Variants in ATP2A3 observed in about 807,000 individuals in gnomAD.
ATP2A3 encodes ATPase sarcoplasmic/endoplasmic reticulum Ca2+ transporting 3.
In ATP2A3, 61 loss-of-function variants were observed where a neutral mutation model predicts 106.8. That is an observed-to-expected ratio of 0.57 (90% CI 0.46 to 0.71). The LOEUF (loss-of-function observed/expected upper bound fraction) is 0.71. Ranked by LOEUF, ATP2A3 falls within the 30% of genes least tolerant of loss-of-function variation. The probability of loss-of-function intolerance (pLI) is 0.00; values close to 1 mark genes in which losing one functional copy is unlikely to be tolerated. For synonymous variants in ATP2A3, 611 were observed against 609.3 expected (o/e 1.00, Z -0.04); for missense variants, 1,201 against 1,423.5 (o/e 0.84, Z 2.52).
Position 3,964,304 on chromosome 17 carries a change from G to T in ATP2A3, c.-13C>A, listed in dbSNP as rs1320190058. 8.2e-7 allele frequency: 1 copy of T among 1,225,608 alleles called. No individual in the cohort carries two copies. Among genetic ancestry groups the T allele is most frequent in the Non-Finnish European group, 1.0e-6 (1 of 969,002 alleles). The allele number at this position is 1,225,608 out of a possible 1,614,324, so 75.9% of individuals were successfully genotyped here. A position where few individuals can be genotyped will look rare whatever the true frequency, so the allele number is the denominator to read the frequency against. ...GCGCCGCCTCCATGCCGCCCGCCCG[G>T]CCGTCTGCGCCGTCCGCACCGTCGA... On this transcript the variant is annotated 5_prime_UTR_variant, in exon 1 of 21. Transcript: ENST00000397041.
chr17:3,924,276 C>A lies in ATP2A3; in HGVS notation c.*1146G>T, dbSNP rs2052593484. 6.5e-6 allele frequency: 1 copy of A among 154,888 alleles called. No individual in the cohort carries two copies. The highest frequency in any genetic ancestry group is 2.4e-5 in the African/African-American group (1 of 41,468). 9.6% of individuals were successfully genotyped at this position (154,888 alleles called of 1,614,324 possible). A position where few individuals can be genotyped will look rare whatever the true frequency, so the allele number is the denominator to read the frequency against. On this transcript the variant is annotated 3_prime_UTR_variant, in exon 21 of 21. Coordinates refer to ENST00000397041, the MANE Select transcript of ATP2A3 (RefSeq NM_005173.4). The surrounding 1 kb of genome is among the most constrained non-coding windows in gnomAD (Gnocchi z 6.4). ...CCCTCGCTAGTTTTTGCCAAAGTAG[C>A]AAAAGCTGAGTTAAGAGAAAAATTC...
chr17:3,930,324 A>C lies in ATP2A3; in HGVS notation c.2721T>G (p.Ile907Met). The C allele has an allele frequency of 1.2e-6, 2 of 1,605,666 alleles. No homozygotes were observed. The highest frequency in any genetic ancestry group is 8.5e-7 in the Non-Finnish European group (1 of 1,176,070). Residue 907 changes from isoleucine to methionine, a missense_variant, in exon 18 of 21, where the codon ATT becomes ATG. Physicochemically the swap from Ile to Met is conservative, Grantham distance 10. This residue lies in a region of ATP2A3 where 935 missense variants were observed against 1,176.7 expected (regional missense o/e 0.79). Coordinates refer to ENST00000397041, the MANE Select transcript of ATP2A3 (RefSeq NM_005173.4). This position sits in a 1 kb window ranked among gnomAD's most constrained non-coding sequence, Gnocchi z 5.4. ...TTMALSVLVT[I>M]EMCNALNSVS... is the part of the protein sequence containing the mutation. ...ACCTGTTGAGGGCATTGCACATTTC[A>C]ATGGTCACGAGCACGGACAAGGCCA...
chr17:3,958,548 G>A (rs538537901), intron 1 of ATP2A3, among the ~76,000 whole-genome samples: 2 of 151,924 alleles, frequency 1.3e-5, no homozygotes, highest in African/African-American at 2.4e-5. Context: ...TCTGTATCCC[G>A]AATGCACATC....
intron 8 of ATP2A3, among the ~76,000 whole-genome samples, chr17:3,946,858 G>T (rs929939817): frequency 8.5e-5 from 13 of 152,226 alleles, no homozygotes; most frequent in Non-Finnish European, 1.5e-5. Flanking sequence ...CCATGGGCCT[G>T]CTGAAGTCTC....
rs1200346271 is a variant in ATP2A3, at chr17:3,928,430, G to A, written c.2980+233C>T. ...ACAGTGAGGCAGTGTGGCCCAAGAG[G>A]TGCTCCCGTTGCTGGCCCAGTGAGC... On this transcript the variant is annotated intron_variant, in intron 20 of 20. Coordinates refer to ENST00000397041, the MANE Select transcript of ATP2A3 (RefSeq NM_005173.4). This position sits in a 1 kb window ranked among gnomAD's most constrained non-coding sequence, Gnocchi z 6.1. 10 of 1,214,356 alleles carry A rather than the reference G, an allele frequency of 8.2e-6. No homozygotes were observed. Among genetic ancestry groups the A allele is most frequent in the African/African-American group, 4.5e-5 (3 of 66,422 alleles). 75.2% of individuals were successfully genotyped at this position (1,214,356 alleles called of 1,614,324 possible).
chr17:3,928,363 G>A lies in ATP2A3; in HGVS notation c.2980+300C>T, dbSNP rs745667980. 8.8e-6 allele frequency: 14 copies of A among 1,586,504 alleles called. No individual in the cohort carries two copies. Among genetic ancestry groups the A allele is most frequent in the Non-Finnish European group, 1.1e-5 (13 of 1,158,334 alleles). ...AGGGGTCAGAGGCTGAGGCCCAGAAGAGCACACAGTGCCCTGGCCATGTAG... is the reference window on the plus strand; with the variant it reads ...AGGGGTCAGAGGCTGAGGCCCAGAAAAGCACACAGTGCCCTGGCCATGTAG... On this transcript the variant is annotated intron_variant, in intron 20 of 20. Transcript: ENST00000397041. The surrounding 1 kb of genome is among the most constrained non-coding windows in gnomAD (Gnocchi z 6.1).
At chr17:3,959,036 C>T (rs561214036) in intron 1 of ATP2A3, among the ~76,000 whole-genome samples, 8 of 151,608 alleles carry the variant, frequency 5.3e-5, no homozygotes, top group East Asian at 1.9e-4. Flanking sequence ...GGATTACAGG[C>T]GCCTGCCACC....
intron 1 of ATP2A3, among the ~76,000 whole-genome samples, chr17:3,958,219 G>A (rs1203611969): frequency 2.6e-5 from 4 of 152,222 alleles, no homozygotes; most frequent in Non-Finnish European, 5.9e-5. Flanking sequence ...GTACCTCACA[G>A]GGATGCCGGA....
In ATP2A3 at chr17:3,928,037, C is replaced by A; in HGVS notation, c.2980+626G>T. 6.2e-7 allele frequency: 1 copy of A among 1,614,106 alleles called. No homozygotes were observed. Among genetic ancestry groups the A allele is most frequent in the Non-Finnish European group, 8.5e-7 (1 of 1,180,026 alleles). The stretch of plus-strand genomic sequence containing the variant: ...CAGCGAGACGATGCTGTGTCCCTGG[C>A]CCTTGGAAGTTCAGAATCACCCACT... On this transcript the variant is annotated intron_variant, in intron 20 of 20. Coordinates refer to ENST00000397041, the MANE Select transcript of ATP2A3 (RefSeq NM_005173.4). This position sits in a 1 kb window ranked among gnomAD's most constrained non-coding sequence, Gnocchi z 6.1.
At chr17:3,957,351 GCTAA>G (rs945652864) in intron 1 of ATP2A3, among the ~76,000 whole-genome samples, 7 of 152,176 alleles carry the variant, frequency 4.6e-5, no homozygotes, top group African/African-American at 1.7e-4. Flanking sequence ...GGCCTCCGAT[GCTAA>G]CTCTTAGGCT....
intron 1 of ATP2A3, among the ~76,000 whole-genome samples, chr17:3,963,104 A>G (rs2055229483): frequency 1.3e-5 from 2 of 152,264 alleles, no homozygotes; most frequent in Non-Finnish European, 2.9e-5. Flanking sequence ...AACCAATACA[A>G]AACCCAAAAG....
In ATP2A3 at chr17:3,964,346, G is replaced by C; in HGVS notation, c.-55C>G. ...CACCGTCGAGGCCGCCTCTCCGCCG[G>C]GGGGCTACAAAGCGGGGCGCGGGGG... is the stretch of plus-strand genomic sequence containing the variant. On this transcript the variant is annotated 5_prime_UTR_variant, in exon 1 of 21. Coordinates refer to ENST00000397041, the MANE Select transcript of ATP2A3 (RefSeq NM_005173.4). 2 of 1,036,344 alleles carry C rather than the reference G, an allele frequency of 1.9e-6. No individual in the cohort carries two copies. The highest frequency in any genetic ancestry group is 3.5e-5 in the South Asian group (1 of 28,186). The allele number at this position is 1,036,344 out of a possible 1,614,324, so 64.2% of individuals were successfully genotyped here. A position where few individuals can be genotyped will look rare whatever the true frequency, so the allele number is the denominator to read the frequency against.
chr17:3,925,524 T>C lies in ATP2A3; in HGVS notation c.2981-83A>G. The C allele has an allele frequency of 1.3e-6, 2 of 1,519,672 alleles. No homozygotes were observed. Among genetic ancestry groups the C allele is most frequent in the Non-Finnish European group, 1.8e-6 (2 of 1,122,214 alleles). 94.1% of individuals were successfully genotyped at this position (1,519,672 alleles called of 1,614,324 possible). A position where few individuals can be genotyped will look rare whatever the true frequency, so the allele number is the denominator to read the frequency against. ...AGCTTCCTTCCAGCCCCTTCCATCC[T>C]CCACTTCTCCCAGGACAGCCCCAGG... On this transcript the variant is annotated intron_variant, in intron 20 of 20. Coordinates refer to ENST00000397041, the MANE Select transcript of ATP2A3 (RefSeq NM_005173.4). This position sits in a 1 kb window ranked among gnomAD's most constrained non-coding sequence, Gnocchi z 4.2.
At position 3,951,671 on chromosome 17, in the gene ATP2A3, G is replaced by T; in HGVS notation, c.234C>A (p.Phe78Leu). The T allele has an allele frequency of 2.5e-6, 4 of 1,608,728 alleles. No homozygotes were observed. Among genetic ancestry groups the T allele is most frequent in the Non-Finnish European group, 3.4e-6 (4 of 1,178,054 alleles). ...CGGTCGTGGTCTCCTCGCCCTCCTC[G>T]AACCAGGCCAGGACCTGCAGGATCA... ...AALVSFVLAWFEEGEETTTAF... is the reference protein window; with the variant it reads ...AALVSFVLAWLEEGEETTTAF... Residue 78 changes from phenylalanine to leucine, a missense_variant, in exon 4 of 21, where the codon TTC (phenylalanine) becomes TTA (leucine). Coordinates refer to ENST00000397041, the MANE Select transcript of ATP2A3 (RefSeq NM_005173.4).
Position 3,941,472 on chromosome 17 carries a change from C to T in ATP2A3, c.1728G>A (p.Met576Ile). 1 of 1,613,908 alleles carries T rather than the reference C, an allele frequency of 6.2e-7. No individual in the cohort carries two copies. Among genetic ancestry groups the T allele is most frequent in the Middle Eastern group, 1.7e-4 (1 of 6,052 alleles). Residue 576 changes from methionine (M) to isoleucine (I), a missense_variant, in exon 13 of 21, where the codon ATG becomes ATA. Physicochemically the swap from Met to Ile is conservative, Grantham distance 10. This residue lies in a region of ATP2A3 where 935 missense variants were observed against 1,176.7 expected (regional missense o/e 0.79). Coordinates refer to ENST00000397041, the MANE Select transcript of ATP2A3 (RefSeq NM_005173.4). ...TRDAPPRKED[M>I]ELDDCSKFVQ... ...CAAACTTGCTGCAGTCGTCCAGCTC[C>T]ATGTCCTCCTTCCTTGGGGGCGCGT... is the stretch of plus-strand genomic sequence containing the variant.
chr17:3,953,811 G>A lies in ATP2A3; in HGVS notation c.119-101C>T, dbSNP rs925334468. The A allele has an allele frequency of 2.0e-5, 26 of 1,290,812 alleles. No homozygotes were observed. Among genetic ancestry groups the A allele is most frequent in the Admixed American group, 7.9e-5 (4 of 50,624 alleles). 80.0% of individuals were successfully genotyped at this position (1,290,812 alleles called of 1,614,324 possible). A position where few individuals can be genotyped will look rare whatever the true frequency, so the allele number is the denominator to read the frequency against. On this transcript the variant is annotated intron_variant, in intron 1 of 20. Transcript: ENST00000397041. The surrounding 1 kb of genome is among the most constrained non-coding windows in gnomAD (Gnocchi z 5.1). ...CTGGCAGTGCCTCCCCACCGTGCCC[G>A]CCCAGACCCCCACCACGGACTGGAT... is the stretch of plus-strand genomic sequence containing the variant.
chr17:3,943,649 C>A, intron 10 of ATP2A3, 127 bp from the exon 11 acceptor site: 1 of 1,476,624 alleles, frequency 6.8e-7, no homozygotes, highest in South Asian at 1.2e-5. Context: ...TTGCACCGGC[C>A]CGTGAGCCCT....
Position 3,947,589 on chromosome 17 carries a change from G to C in ATP2A3, c.897C>G (p.Ala299=). The C allele has an allele frequency of 6.2e-7, 1 of 1,612,694 alleles. No individual in the cohort carries two copies. Among genetic ancestry groups the C allele is most frequent in the South Asian group, 1.1e-5 (1 of 91,078 alleles). ...GGATGGCCGCCACCGCCAGGGCCAC[G>C]GCGATCTTGAAGTAGTAGACAGCGC... ...LRGAVYYFKI[A]VALAVAAIPE... The change falls in exon 8 of 21, where the codon GCC becomes GCG. Residue 299 remains alanine (A), a synonymous_variant. Transcript: ENST00000397041. This position sits in a 1 kb window ranked among gnomAD's most constrained non-coding sequence, Gnocchi z 7.7.
chr17:3,956,774 C>G (rs2054805953), intron 1 of ATP2A3, among the ~76,000 whole-genome samples: 2 of 152,204 alleles, frequency 1.3e-5, no homozygotes, highest in Admixed American at 1.3e-4. Flanking sequence ...GCGATTGCTG[C>G]AGTATCCAAG....
Sources: allele counts gnomAD v4.1 joint callset (sites outside exome capture counted in the v4.1 genomes callset), GRCh38; gene constraint gnomAD v4.1.1; regional missense constraint gnomAD v4.1.1; non-coding constraint Gnocchi (gnomAD v3.1); transcripts MANE v1.5; gene names NCBI Gene and HGNC (gene_info 2026-07-23, HGNC 2026-07-21).